The following NFIB variants were observed in gnomAD, a reference collection of about 807,000 sequenced individuals.
The protein encoded by NFIB is nuclear factor I B.
Under a neutral mutation model 61.5 loss-of-function variants are expected in NFIB, and 11 were observed. The observed-to-expected ratio is 0.18, with a 90% CI of 0.11 to 0.30. The LOEUF (loss-of-function observed/expected upper bound fraction) is 0.30. NFIB is among the 10% of genes least tolerant of loss of function. The pLI is 1.00. For synonymous variants in NFIB, 260 were observed against 216.5 expected, an observed-to-expected ratio of 1.20 and a Z score of -1.76; for missense variants, 471 against 608.9, an observed-to-expected ratio of 0.77 and a Z score of 2.38.
intron 2 of NFIB, among the ~76,000 whole-genome samples, chr9:14,198,232 C>T (rs1299918817): frequency 6.6e-6 from 1 of 152,232 alleles, no homozygotes; most frequent in East Asian, 1.9e-4. Context: ...TGCACGTCTC[C>T]AAGGAGCATG....
intron 2 of NFIB, among the ~76,000 whole-genome samples, chr9:14,271,247 T>C (rs906331217): frequency 7.3e-6 from 1 of 137,778 alleles, no homozygotes; most frequent in Non-Finnish European, 1.6e-5. Flanking sequence ...CCCATGAGCA[T>C]CTGCCTGGCC....
At position 14,088,322 on chromosome 9, in the gene NFIB, C is replaced by T; in HGVS notation, c.1472G>A (p.Trp491Ter). 6.3e-7 allele frequency: 1 copy of T among 1,585,044 alleles called. No individual in the cohort carries two copies. The highest frequency in any genetic ancestry group is 8.6e-7 in the Non-Finnish European group (1 of 1,162,470). Residue 491 changes from tryptophan (W) to a stop codon, truncating the protein, a stop_gained, in exon 11 of 11, where the codon TGG (tryptophan) becomes TAG (stop). Transcript: ENST00000380953. LOFTEE classifies it high-confidence loss of function. ...DPSFLHQQQS[W>*]YLG is the part of the protein sequence containing the mutation. Reference sequence around the variant, plus strand: ...AAAGGAACCAAGCTAGCCCAGGTACCAGGACTGTTGAGAGGAGAGAGGCAG... The same window carrying T: ...AAAGGAACCAAGCTAGCCCAGGTACTAGGACTGTTGAGAGGAGAGAGGCAG...
chr9:14,406,640 C>G, the NFIB span, among the ~76,000 whole-genome samples: 1 of 152,162 alleles, frequency 6.6e-6, no homozygotes, highest in Admixed American at 6.5e-5. Context: ...GTGGTATTTC[C>G]TCTCTCATAG....
chr9:14,417,960 G>T, the NFIB span, among the ~76,000 whole-genome samples: 3 of 151,998 alleles, frequency 2.0e-5, no homozygotes, highest in Admixed American at 2.0e-4. Flanking sequence ...CGTACTTTTA[G>T]TAGAGATGGG....
intron 3 of NFIB, among the ~76,000 whole-genome samples, chr9:14,164,433 G>A (rs1333299319): frequency 6.6e-6 from 1 of 151,966 alleles, no homozygotes; most frequent in African/African-American, 2.4e-5. Flanking sequence ...GATACCGTAG[G>A]GGATTTTAAG....
intron 2 of NFIB, among the ~76,000 whole-genome samples, chr9:14,259,277 T>G (rs1481106266): frequency 6.6e-6 from 1 of 152,338 alleles, no homozygotes; most frequent in South Asian, 2.1e-4. Context: ...CCTAAGGAAG[T>G]GATGGTTCTT....
Position 14,307,113 on chromosome 9 carries a change from G to A in NFIB, c.438C>T (p.Thr146=), listed in dbSNP as rs775864856. The part of the protein sequence containing the change: ...ILFKGIPLES[T]DGERLMKSPH... Reference sequence around the variant, plus strand: ...GGGATTTCATGAGCCGCTCTCCATCGGTACTTTCCAAGGGGATGCCTTTGA... The same window carrying A: ...GGGATTTCATGAGCCGCTCTCCATCAGTACTTTCCAAGGGGATGCCTTTGA... Residue 146 remains threonine, a synonymous_variant, in exon 2 of 11, where the codon ACC becomes ACT. Transcript: ENST00000380953. This position sits in a 1 kb window ranked among gnomAD's most constrained non-coding sequence, Gnocchi z 5.3. 47 of 1,613,944 alleles carry A rather than the reference G, an allele frequency of 2.9e-5. No individual in the cohort carries two copies. The highest frequency in any genetic ancestry group is 1.2e-4 in the African/African-American group (9 of 74,874).
chr9:14,180,420 C>T (rs2046636240), intron 2 of NFIB, among the ~76,000 whole-genome samples: 1 of 152,148 alleles, frequency 6.6e-6, no homozygotes, highest in South Asian at 2.1e-4. Context: ...TAATTTCCAT[C>T]CATGACAGAT....
chr9:14,255,624 G>A (rs1376178117), intron 2 of NFIB, among the ~76,000 whole-genome samples: 1 of 152,108 alleles, frequency 6.6e-6, no homozygotes, highest in African/African-American at 2.4e-5. Flanking sequence ...TATAGGTAGT[G>A]ACAGATTAAC....
At chr9:14,523,587 T>C in the NFIB span, among the ~76,000 whole-genome samples, 1 of 152,106 alleles carries the variant, frequency 6.6e-6, no homozygotes, top group African/African-American at 2.4e-5. Flanking sequence ...TAATCAATCC[T>C]CTTAAATGAA....
At chr9:14,257,770 A>G (rs2056368825) in intron 2 of NFIB, among the ~76,000 whole-genome samples, 1 of 152,158 alleles carries the variant, frequency 6.6e-6, no homozygotes, top group Non-Finnish European at 1.5e-5. Flanking sequence ...AAGAAAAAAA[A>G]CGAAAGAAAG....
the NFIB span, among the ~76,000 whole-genome samples, chr9:14,423,992 G>C: frequency 6.6e-6 from 1 of 152,054 alleles, no homozygotes; most frequent in Non-Finnish European, 1.5e-5. Flanking sequence ...TCGGGAATTT[G>C]GTCCTTTTAT....
chr9:14,309,449 C>G (rs571795717), intron 1 of NFIB, among the ~76,000 whole-genome samples: 17 of 152,324 alleles, frequency 1.1e-4, no homozygotes, highest in African/African-American at 3.6e-4. Context: ...ATACAGAATG[C>G]TGATGATTAC....
chr9:14,125,278 C>T (rs1362789956), intron 7 of NFIB, among the ~76,000 whole-genome samples: 1 of 152,190 alleles, frequency 6.6e-6, no homozygotes, highest in African/African-American at 2.4e-5. Flanking sequence ...CTGCCTCAGC[C>T]TCCTGAGTAG....
At chr9:14,122,893 TA>T (rs1357250059) in intron 7 of NFIB, among the ~76,000 whole-genome samples, 1 of 152,176 alleles carries the variant, frequency 6.6e-6, no homozygotes, top group African/African-American at 2.4e-5. Context: ...TAAAATGTCG[TA>T]TTTCAAACTG....
chr9:14,440,853 T>C, the NFIB span, among the ~76,000 whole-genome samples: 1 of 152,176 alleles, frequency 6.6e-6, no homozygotes, highest in Non-Finnish European at 1.5e-5. Flanking sequence ...TTAAAAAGAA[T>C]AATAAACCTG....
chr9:14,227,656 C>G (rs1425719798), intron 2 of NFIB, among the ~76,000 whole-genome samples: 1 of 152,062 alleles, frequency 6.6e-6, no homozygotes, highest in Admixed American at 6.6e-5. Context: ...AATAACCACC[C>G]CTTACATATG....
intron 2 of NFIB, among the ~76,000 whole-genome samples, chr9:14,283,253 C>T (rs1293933550): frequency 6.6e-6 from 1 of 152,142 alleles, no homozygotes; most frequent in Non-Finnish European, 1.5e-5. Flanking sequence ...GGGAATGACT[C>T]GCATCAGCCA....
chr9:14,189,714 T>C (rs1202050739), intron 2 of NFIB, among the ~76,000 whole-genome samples: 1 of 150,490 alleles, frequency 6.6e-6, no homozygotes, highest in Non-Finnish European at 1.5e-5. Flanking sequence ...TTAAAACCCA[T>C]GGGGTCAAGA....
Sources: allele counts gnomAD v4.1 joint callset (sites outside exome capture counted in the v4.1 genomes callset), GRCh38; gene constraint gnomAD v4.1.1; non-coding constraint Gnocchi (gnomAD v3.1); transcripts MANE v1.5; gene names NCBI Gene and HGNC (gene_info 2026-07-23, HGNC 2026-07-21).